CRAMP1: variants seen among roughly 807,000 people sequenced by gnomAD.
CRAMP1 encodes protein cramped-like.
CRAMP1 carries 50 observed loss-of-function variants against 115.4 expected under a neutral mutation model. The observed-to-expected ratio is 0.43, with a 90% CI of 0.35 to 0.55. The LOEUF is 0.55. CRAMP1 is among the 20% of genes least tolerant of loss of function. The probability of loss-of-function intolerance (pLI) is 0.01; values close to 1 mark genes in which losing one functional copy is unlikely to be tolerated. For synonymous variants in CRAMP1, 866 were observed against 745.4 expected, an observed-to-expected ratio of 1.16 and a Z score of -2.64; for missense variants, 1,679 against 1,721.7, an observed-to-expected ratio of 0.98 and a Z score of 0.44.
intron 20 of CRAMP1, 41 bp downstream of exon 20, chr16:1,670,850 C>G (rs1241527361): frequency 1.7e-5 from 27 of 1,604,602 alleles, no homozygotes; most frequent in Non-Finnish European, 2.2e-5. Context: ...ACCACCAACC[C>G]TCGTGCCAGA....
At chr16:1,632,785 C>G (rs887919108) in intron 4 of CRAMP1, among the ~76,000 whole-genome samples, 1 of 152,226 alleles carries the variant, frequency 6.6e-6, no homozygotes, top group African/African-American at 2.4e-5. Flanking sequence ...CCAGGCCTCT[C>G]GCCCTCTACA....
chr16:1,625,687 C>T (rs1022513683), intron 2 of CRAMP1: 2 of 286,276 alleles, frequency 7.0e-6, no homozygotes, highest in Non-Finnish European at 1.3e-5. Flanking sequence ...GTGGACAGGG[C>T]GTCTTAGGCT....
At position 1,637,931 on chromosome 16, in the gene CRAMP1, G is replaced by T. The variant is rs765035643; in HGVS notation, c.778+24G>T. ...CTGTGAGTACGCTGACTGTGGGGTT[G>T]CCCACGGCTCCTCCTGTCCTTTGTC... On this transcript the variant is annotated intron_variant, in intron 5 of 20. Transcript: ENST00000397412. 4 of 1,309,094 alleles carry T rather than the reference G, an allele frequency of 3.1e-6. No individual in the cohort carries two copies. In the Admixed American group the frequency reaches 7.9e-5, roughly 26 times the overall value. The allele number at this position is 1,309,094 out of a possible 1,614,324, so 81.1% of individuals were successfully genotyped here. A position where few individuals can be genotyped will look rare whatever the true frequency, so the allele number is the denominator to read the frequency against.
At chr16:1,630,984 T>A (rs1157520467) in intron 3 of CRAMP1, among the ~76,000 whole-genome samples, 1 of 152,260 alleles carries the variant, frequency 6.6e-6, no homozygotes, top group Non-Finnish European at 1.5e-5. Flanking sequence ...CTGCCAGGTC[T>A]CACCGTGGCT....
At chr16:1,621,718 G>A (rs1328677960) in intron 2 of CRAMP1, among the ~76,000 whole-genome samples, 1 of 152,072 alleles carries the variant, frequency 6.6e-6, no homozygotes, top group Non-Finnish European at 1.5e-5. Flanking sequence ...CACGGTTCTT[G>A]CTTTCAAAGA....
chr16:1,669,081 C>G lies in CRAMP1; in HGVS notation c.3415C>G (p.Gln1139Glu). 3.1e-6 allele frequency: 5 copies of G among 1,612,538 alleles called. No individual in the cohort carries two copies. The highest frequency in any genetic ancestry group is 4.2e-6 in the Non-Finnish European group (5 of 1,179,292). ...KSLPSPSSSPQPHWIASPTHD... is the reference protein window; with the variant it reads ...KSLPSPSSSPEPHWIASPTHD... The stretch of plus-strand genomic sequence containing the variant: ...CCTTCCCTCCCCGTCCAGCAGCCCC[C>G]AGCCACACTGGATCGCCTCTCCCAC... Residue 1139 changes from glutamine (Q) to glutamate (E), a missense_variant, in exon 19 of 21, where the codon CAG (glutamine) becomes GAG (glutamate). Physicochemically the swap from Gln to Glu is conservative, Grantham distance 29. Coordinates refer to ENST00000397412, the MANE Select transcript of CRAMP1 (RefSeq NM_020825.4). This position sits in a 1 kb window ranked among gnomAD's most constrained non-coding sequence, Gnocchi z 4.6.
At chr16:1,634,055 C>T (rs941139544) in intron 4 of CRAMP1, among the ~76,000 whole-genome samples, 2 of 151,846 alleles carry the variant, frequency 1.3e-5, no homozygotes, top group Admixed American at 1.3e-4. Context: ...AAAGTCAGTC[C>T]ATGAGAGCAG....
In CRAMP1 at chr16:1,665,098, C is replaced by A; in HGVS notation, c.2712C>A (p.Asn904Lys). The A allele has an allele frequency of 1.2e-6, 2 of 1,613,316 alleles. No homozygotes were observed. The highest frequency in any genetic ancestry group is 2.2e-5 in the East Asian group (1 of 44,884). ...LPRPSENQSHNVCSFSILSNS... is the reference protein window; with the variant it reads ...LPRPSENQSHKVCSFSILSNS... ...GACCATCGGAAAACCAGTCCCACAA[C>A]GTTTGTTCCTTCTCCATCCTGTCTA... Residue 904 changes from asparagine to lysine, a missense_variant, in exon 14 of 21, where the codon AAC (asparagine) becomes AAA (lysine). Physicochemically the swap from Asn to Lys is moderately conservative, Grantham distance 94 (BLOSUM62 0). This residue lies in a region of CRAMP1 where 709 missense variants were observed against 741.9 expected (regional missense o/e 0.96). Transcript: ENST00000397412.
intron 2 of CRAMP1, among the ~76,000 whole-genome samples, chr16:1,620,239 C>G (rs138794905): frequency 6.6e-5 from 10 of 152,162 alleles, no homozygotes; most frequent in Admixed American, 2.0e-4. Flanking sequence ...GAGGTGGACG[C>G]GTTGGACCTC....
chr16:1,617,659 G>C (rs926545746), intron 2 of CRAMP1, among the ~76,000 whole-genome samples: 1 of 152,148 alleles, frequency 6.6e-6, no homozygotes, highest in Non-Finnish European at 1.5e-5. Flanking sequence ...AATCTCAGTG[G>C]GCCTGAGACT....
rs996871996 is a variant in CRAMP1, at chr16:1,656,710, G to A, written c.1953G>A (p.Pro651=). 34 of 1,555,110 alleles carry A rather than the reference G, an allele frequency of 2.2e-5. No homozygotes were observed. The highest frequency in any genetic ancestry group is 3.3e-4 in the Middle Eastern group (2 of 5,992). The change falls in exon 10 of 21, where the codon CCG becomes CCA. Residue 651 remains proline (P), a synonymous_variant. Transcript: ENST00000397412. The surrounding 1 kb of genome is among the most constrained non-coding windows in gnomAD (Gnocchi z 5.6). ...QEKGSPAGPP[P]SQGQPAARPP... ...AGGGGAGCCCCGCGGGGCCTCCGCC[G>A]TCTCAGGGACAGCCTGCCGCCAGGC...
chr16:1,648,694 C>T (rs2036697153), intron 6 of CRAMP1, among the ~76,000 whole-genome samples: 1 of 152,056 alleles, frequency 6.6e-6, no homozygotes, highest in South Asian at 2.1e-4. Flanking sequence ...CCTACTCTGA[C>T]ATCATTAATG....
At chr16:1,620,631 C>T (rs752771272) in intron 2 of CRAMP1, 3 of 456,946 alleles carry the variant, frequency 6.6e-6, no homozygotes, top group African/African-American at 2.0e-5. Context: ...TGACCTCTCA[C>T]GTCCAGACAG....
rs550063048 is a variant in CRAMP1, at chr16:1,614,000, C to T, written c.-1-639C>T. Among the ~76,000 whole-genome samples, 10 of 151,982 alleles carry T rather than the reference C, an allele frequency of 6.6e-5. 1 individual carries two copies. The South Asian group carries it at 2.1e-3, about 31-fold the overall frequency. On this transcript the variant is annotated intron_variant, in intron 1 of 20. Transcript: ENST00000397412. The stretch of plus-strand genomic sequence containing the variant: ...GAGTTCCCCGTGCGGGCAGGCGAGC[C>T]CGCGCTTCTCCCGTCCCGGGGTGGA...
Position 1,624,934 on chromosome 16 carries a change from G to T in CRAMP1, c.347-1039G>T, listed in dbSNP as rs562560188. Among the ~76,000 whole-genome samples the T allele has an allele frequency of 1.9e-3, 285 of 152,066 alleles. 5 individuals carry two copies. Among genetic ancestry groups the T allele is most frequent in the Non-Finnish European group, 4.3e-4 (29 of 67,964 alleles). On this transcript the variant is annotated intron_variant, in intron 2 of 20. Coordinates refer to ENST00000397412, the MANE Select transcript of CRAMP1 (RefSeq NM_020825.4). ...TGGAGATGGGATTTCATCATGTTGC[G>T]CATGCTGGTCTCGAACTTTTGGCCT...
chr16:1,663,909 T>A (rs1303051351), intron 13 of CRAMP1, among the ~76,000 whole-genome samples: 1 of 152,238 alleles, frequency 6.6e-6, no homozygotes, highest in Non-Finnish European at 1.5e-5. Context: ...ATCTACTGTT[T>A]TCCACACGGG....
At chr16:1,643,022 CA>C (rs1276110122) in intron 6 of CRAMP1, among the ~76,000 whole-genome samples, 4 of 152,246 alleles carry the variant, frequency 2.6e-5, no homozygotes, top group Non-Finnish European at 5.9e-5. Context: ...AGACACTTGA[CA>C]AACAAATGCA....
At chr16:1,634,502 T>A (rs1237049598) in intron 4 of CRAMP1, among the ~76,000 whole-genome samples, 1 of 148,846 alleles carries the variant, frequency 6.7e-6, no homozygotes, top group Non-Finnish European at 1.5e-5. Context: ...CGGTGGGGGG[T>A]CACACCCAAC....
At chr16:1,636,992 C>G (rs2036593114) in intron 4 of CRAMP1, among the ~76,000 whole-genome samples, 1 of 152,152 alleles carries the variant, frequency 6.6e-6, no homozygotes, top group African/African-American at 2.4e-5. Context: ...GTTTGCCTCC[C>G]AAATAAAACA....
Sources: allele counts gnomAD v4.1 joint callset (sites outside exome capture counted in the v4.1 genomes callset), GRCh38; gene constraint gnomAD v4.1.1; regional missense constraint gnomAD v4.1.1; non-coding constraint Gnocchi (gnomAD v3.1); transcripts MANE v1.5; gene names NCBI Gene and HGNC (gene_info 2026-07-23, HGNC 2026-07-21).